Variants in PLXNA4 observed in about 807,000 individuals in gnomAD.
The protein encoded by PLXNA4 is plexin-A4.
Under a neutral mutation model 191.8 loss-of-function variants are expected in PLXNA4, and 44 were observed. The ratio of observed to expected loss-of-function variants is 0.23; its 90% confidence interval spans 0.18 to 0.29. The LOEUF is 0.29. PLXNA4 is among the 10% of genes least tolerant of loss of function. PLXNA4 has a pLI of 1.00. For synonymous variants in PLXNA4, 1,082 were observed against 1,009.5 expected (o/e 1.07, Z -1.36); for missense variants, 1,800 against 2,488.8 (o/e 0.72, Z 5.89).
At position 132,392,969 on chromosome 7, in the gene PLXNA4, C is replaced by T. The variant is rs143812223; in HGVS notation, c.1372-94747G>A. Among the ~76,000 whole-genome samples, 733 of 152,278 alleles carry T rather than the reference C, an allele frequency of 4.8e-3. 2 individuals are homozygous for T. Among genetic ancestry groups the T allele is most frequent in the Middle Eastern group, 0.027 (8 of 294 alleles). ...AGCAGAGGACCTCCTCCGGTTGGCACGAAGGCGCTTCACAGCTTCCTCTGC... is the reference window on the plus strand; with the variant it reads ...AGCAGAGGACCTCCTCCGGTTGGCATGAAGGCGCTTCACAGCTTCCTCTGC... On this transcript the variant is annotated intron_variant, in intron 3 of 31. Coordinates refer to ENST00000321063, the MANE Select transcript of PLXNA4 (RefSeq NM_020911.2).
intron 3 of PLXNA4, among the ~76,000 whole-genome samples, chr7:132,464,916 C>G (rs1796642665): frequency 6.6e-6 from 1 of 152,204 alleles, no homozygotes. Context: ...TTCCTCAAAG[C>G]TCTGATATAT....
chr7:132,525,563 G>T (rs1799367434), intron 1 of PLXNA4, among the ~76,000 whole-genome samples: 1 of 152,134 alleles, frequency 6.6e-6, no homozygotes, highest in Non-Finnish European at 1.5e-5. Context: ...TCCATTTTGT[G>T]GGGGGCACCA....
chr7:132,515,641 G>A (rs1408468501), intron 1 of PLXNA4, among the ~76,000 whole-genome samples: 1 of 152,178 alleles, frequency 6.6e-6, no homozygotes, highest in East Asian at 1.9e-4. Context: ...GTGTGCACGT[G>A]TATGTACCAA....
At position 132,173,450 on chromosome 7, in the gene PLXNA4, G is replaced by A. The variant is rs954197237; in HGVS notation, c.4017+1328C>T. ...CCTTGTCGATGAGGACATAGAGACCGTCACCTCCAACTTATGAAAGTGTCT... is the reference window on the plus strand; with the variant it reads ...CCTTGTCGATGAGGACATAGAGACCATCACCTCCAACTTATGAAAGTGTCT... On this transcript the variant is annotated intron_variant, in intron 21 of 31. Coordinates refer to ENST00000321063, the MANE Select transcript of PLXNA4 (RefSeq NM_020911.2). Among the ~76,000 whole-genome samples the A allele has an allele frequency of 8.5e-5, 13 of 152,196 alleles. No homozygotes were observed. The East Asian group carries it at 9.6e-4, about 11-fold the overall frequency.
At chr7:132,395,784 G>A (rs1424139845) in intron 3 of PLXNA4, among the ~76,000 whole-genome samples, 5 of 152,246 alleles carry the variant, frequency 3.3e-5, no homozygotes, top group Admixed American at 2.6e-4. Context: ...TGCTCTAGAA[G>A]GAATGACCAG....
At chr7:132,140,904 G>A (rs1795249391) in intron 29 of PLXNA4, 93 bp from the exon 30 acceptor site, 43 of 1,542,166 alleles carry the variant, frequency 2.8e-5, no homozygotes, top group Non-Finnish European at 3.7e-5. Context: ...AGAGAAGCCT[G>A]GGGAACTAAT....
chr7:132,165,718 G>GAAAA lies in PLXNA4; in HGVS notation c.4287-522_4287-519dup, dbSNP rs3085196. Among the ~76,000 whole-genome samples, 160 of 149,390 alleles carry GAAAA rather than the reference G, an allele frequency of 1.1e-3. 3 individuals are homozygous for GAAAA. The East Asian group carries it at 0.015, about 14-fold the overall frequency. On this transcript the variant is annotated intron_variant, in intron 22 of 31. Coordinates refer to ENST00000321063, the MANE Select transcript of PLXNA4 (RefSeq NM_020911.2). ...ATAGGCTAGTTGTGTTCTTTTGGGT[G>GAAAA]AAAAAAAAAAATCCCAAATCCTGGG...
chr7:132,299,875 T>G (rs1801240272), intron 3 of PLXNA4, among the ~76,000 whole-genome samples: 3 of 152,144 alleles, frequency 2.0e-5, no homozygotes, highest in Admixed American at 2.0e-4. Context: ...GAAGAGGCCA[T>G]CTTTCTTCAC....
At chr7:132,514,219 T>C (rs1254472035) in intron 1 of PLXNA4, among the ~76,000 whole-genome samples, 1 of 151,532 alleles carries the variant, frequency 6.6e-6, no homozygotes, top group Non-Finnish European at 1.5e-5. Context: ...GCTTGGCTAA[T>C]TTTTTGTATT....
chr7:132,504,886 C>T (rs1168302231), intron 2 of PLXNA4, among the ~76,000 whole-genome samples: 4 of 152,190 alleles, frequency 2.6e-5, no homozygotes, highest in Admixed American at 6.5e-5. Flanking sequence ...ATGGTGCCAT[C>T]GGGGCAACAC....
intron 2 of PLXNA4, among the ~76,000 whole-genome samples, chr7:132,610,085 T>C (rs1351497215): frequency 6.6e-6 from 1 of 152,202 alleles, no homozygotes; most frequent in Non-Finnish European, 1.5e-5. Context: ...TTTAGATGAG[T>C]TTATCCTCTT....
rs73723767 is a variant in PLXNA4, at chr7:132,275,777, C to A, written c.1503+22314G>T. 7.2e-3 allele frequency among the ~76,000 whole-genome samples: 1,100 copies of A among 152,318 alleles called. 14 individuals are homozygous for A. Among genetic ancestry groups the A allele is most frequent in the African/African-American group, 0.025 (1,036 of 41,566 alleles). ...TACTGGAGTGATTCCAGGGTTGTCA[C>A]CCCCATGCATGTGACATGTGACTCT... On this transcript the variant is annotated intron_variant, in intron 4 of 31. Coordinates refer to ENST00000321063, the MANE Select transcript of PLXNA4 (RefSeq NM_020911.2).
chr7:132,485,458 T>G (rs1797518089), intron 3 of PLXNA4, among the ~76,000 whole-genome samples: 1 of 152,120 alleles, frequency 6.6e-6, no homozygotes, highest in African/African-American at 2.4e-5. Context: ...ATAAAAATGA[T>G]CGCTTAGTGA....
At chr7:132,506,572 T>A (rs766710797) in intron 2 of PLXNA4, among the ~76,000 whole-genome samples, 21 of 152,120 alleles carry the variant, frequency 1.4e-4, no homozygotes, top group Non-Finnish European at 2.9e-4. Flanking sequence ...ACCCAAAGAA[T>A]GATAGTGAAA....
At chr7:132,313,452 C>G (rs1801824558) in intron 3 of PLXNA4, among the ~76,000 whole-genome samples, 1 of 151,980 alleles carries the variant, frequency 6.6e-6, no homozygotes. Flanking sequence ...AGCCAAAAGG[C>G]AGTTGGAATA....
Position 132,214,279 on chromosome 7 carries a change from C to G in PLXNA4, c.2098-3136G>C, listed in dbSNP as rs570567244. 2.6e-5 allele frequency among the ~76,000 whole-genome samples: 4 copies of G among 152,282 alleles called. No homozygotes were observed. In the South Asian group the frequency reaches 8.3e-4, roughly 32 times the overall value. ...GAGCAGCAAAACCTGTCTCCCACGT[C>G]CCCTGTAAGATTCTTAGTGAGGCTT... On this transcript the variant is annotated intron_variant, in intron 9 of 31. Transcript: ENST00000321063.
At chr7:132,409,982 C>T (rs1370457973) in intron 3 of PLXNA4, among the ~76,000 whole-genome samples, 1 of 152,206 alleles carries the variant, frequency 6.6e-6, no homozygotes, top group Non-Finnish European at 1.5e-5. Flanking sequence ...TTTTGAATCT[C>T]ACCTCTCCCT....
rs753555558 is a variant in PLXNA4 at position 132,179,640 on chromosome 7, G to GCA, written c.3874+45_3874+46dup. 64 of 1,591,050 alleles carry GCA rather than the reference G, an allele frequency of 4.0e-5. No homozygotes were observed. The African/African-American group carries it at 5.3e-4, about 13-fold the overall frequency. ...CACAGATGTGCATGCACACACATAT[G>GCA]CACACACGCACACACACATGGCCTC... On this transcript the variant is annotated intron_variant, in intron 20 of 31. Transcript: ENST00000321063.
intron 3 of PLXNA4, among the ~76,000 whole-genome samples, chr7:132,432,951 T>C (rs1221213554): frequency 6.6e-6 from 1 of 152,220 alleles, no homozygotes; most frequent in Non-Finnish European, 1.5e-5. Flanking sequence ...ATCATGTCTC[T>C]TGTATGCATT....
Sources: allele counts gnomAD v4.1 joint callset (sites outside exome capture counted in the v4.1 genomes callset), GRCh38; gene constraint gnomAD v4.1.1; transcripts MANE v1.5; gene names NCBI Gene and HGNC (gene_info 2026-07-23, HGNC 2026-07-21).